STK11: variants seen among roughly 807,000 people sequenced by gnomAD.
STK11 encodes the protein serine/threonine-protein kinase STK11.
STK11 carries 8 observed loss-of-function variants against 47.3 expected under a neutral mutation model. The ratio of observed to expected loss-of-function variants is 0.17; its 90% CI spans 0.10 to 0.31. STK11 has a LOEUF of 0.31. STK11 is among the 10% of genes least tolerant of loss of function. The pLI is 1.00. For synonymous variants in STK11, 330 were observed against 255.8 expected (o/e 1.29, Z -2.77); for missense variants, 475 against 605.0 (o/e 0.79, Z 2.25).
At chr19:1,216,543 G>T (rs1454441235) in intron 1 of STK11, 5 of 151,082 alleles carry the variant, frequency 3.3e-5, no homozygotes, top group Non-Finnish European at 7.3e-5. Context: ...TCATGCCATT[G>T]CACTCTGGCC....
intron 3 of STK11, 87 bp from the exon 4 acceptor site, chr19:1,220,286 T>G: frequency 2.0e-6 from 3 of 1,505,008 alleles, no homozygotes; most frequent in South Asian, 1.2e-5. Flanking sequence ...GCCTGTGGTG[T>G]TTGGGAGGCT....
intron 1 of STK11, among the ~76,000 whole-genome samples, chr19:1,208,907 C>A (rs1325728147): frequency 6.6e-6 from 1 of 151,940 alleles, no homozygotes; most frequent in Non-Finnish European, 1.5e-5. Context: ...AGGCGTGAGC[C>A]ACCGCGCCCG....
chr19:1,212,400 C>T (rs2080717757), intron 1 of STK11, among the ~76,000 whole-genome samples: 1 of 147,870 alleles, frequency 6.8e-6, no homozygotes, highest in African/African-American at 2.5e-5. Flanking sequence ...GCTGGGACTG[C>T]AGATGTGCAC....
At chr19:1,218,716 C>G (rs1158642647) in intron 2 of STK11, among the ~76,000 whole-genome samples, 1 of 152,162 alleles carries the variant, frequency 6.6e-6, no homozygotes, top group Non-Finnish European at 1.5e-5. Context: ...TGTCTTGGGC[C>G]CGTGGGGTGT....
intron 8 of STK11, chr19:1,224,947 C>G: frequency 2.0e-6 from 2 of 985,550 alleles, no homozygotes; most frequent in Non-Finnish European, 1.2e-6. Context: ...TGGGGCAGGA[C>G]AGCCCGGCGC....
In STK11 at chr19:1,227,936, C is replaced by T. The variant is rs1284883982; in HGVS notation, c.*360C>T. The stretch of plus-strand genomic sequence containing the variant: ...AGGGCGCCCAGCGCCGTCCGGCGGC[C>T]CCGCCGCAGACCAGCTGGCGGGTGT... On this transcript the variant is annotated 3_prime_UTR_variant, in exon 10 of 10. Transcript: ENST00000326873. The T allele has an allele frequency of 9.3e-7, 1 of 1,070,292 alleles. No individual in the cohort carries two copies. The highest frequency in any genetic ancestry group is 1.1e-6 in the Non-Finnish European group (1 of 882,362). The allele number at this position is 1,070,292 out of a possible 1,614,324, so 66.3% of individuals were successfully genotyped here. A position where few individuals can be genotyped will look rare whatever the true frequency, so the allele number is the denominator to read the frequency against.
At position 1,221,539 on chromosome 19, in the gene STK11, C is replaced by A. The variant is rs117741423; in HGVS notation, c.862+199C>A. ...CTCCACCCTGCTTCTGGGCCCTGTT[C>A]ACCCTCCGAACTCCCACCCCAGAGG... On this transcript the variant is annotated intron_variant, in intron 6 of 9. Transcript: ENST00000326873. 16,689 of 845,428 alleles carry A rather than the reference C, an allele frequency of 0.02. 236 individuals carry two copies. The highest frequency in any genetic ancestry group is 0.025 in the Non-Finnish European group (14,191 of 565,606). 52.4% of individuals were successfully genotyped at this position (845,428 alleles called of 1,614,324 possible). A position where few individuals can be genotyped will look rare whatever the true frequency, so the allele number is the denominator to read the frequency against.
intron 1 of STK11, among the ~76,000 whole-genome samples, chr19:1,217,662 C>T (rs2080753522): frequency 6.6e-6 from 1 of 152,144 alleles, no homozygotes; most frequent in South Asian, 2.1e-4. Flanking sequence ...TCTTCGCCTG[C>T]CCCTTCCTAT....
At chr19:1,221,028 G>T (rs1274419113) in intron 5 of STK11, among the ~76,000 whole-genome samples, 185 bp from the exon 6 acceptor site, 1 of 152,168 alleles carries the variant, frequency 6.6e-6, no homozygotes, top group Admixed American at 6.5e-5. Context: ...GGGTCCAGAG[G>T]ACACTCCCCT....
At chr19:1,219,599 G>A (rs1290614921) in intron 3 of STK11, among the ~76,000 whole-genome samples, 186 bp downstream of exon 3, 2 of 151,988 alleles carry the variant, frequency 1.3e-5, no homozygotes, top group East Asian at 1.9e-4. Flanking sequence ...AGGCTGGAGT[G>A]CAATGGTGCG....
In STK11 at chr19:1,206,815, C is replaced by A. The variant is rs1407068597; in HGVS notation, c.-99C>A. The A allele has an allele frequency of 2.3e-6, 3 of 1,305,662 alleles. No homozygotes were observed. Among genetic ancestry groups the A allele is most frequent in the Non-Finnish European group, 2.0e-6 (2 of 1,001,678 alleles). 80.9% of individuals were successfully genotyped at this position (1,305,662 alleles called of 1,614,324 possible). A position where few individuals can be genotyped will look rare whatever the true frequency, so the allele number is the denominator to read the frequency against. On this transcript the variant is annotated 5_prime_UTR_variant, in exon 1 of 10. Coordinates refer to ENST00000326873, the MANE Select transcript of STK11 (RefSeq NM_000455.5). ...TTGTTGCCTTTTTTTTTTCTTTTTT[C>A]TTTGTAAAATTTTGGAGAAGGGAAG... is the stretch of plus-strand genomic sequence containing the variant.
At chr19:1,226,430 C>T (rs1426854338) in intron 8 of STK11, 24 bp from the exon 9 acceptor site, 2 of 1,605,304 alleles carry the variant, frequency 1.2e-6, no homozygotes. Context: ...TCAGCTCAGG[C>T]CACACTTGCC....
In STK11 at chr19:1,226,598, G is replaced by A. The variant is rs878853986; in HGVS notation, c.1253G>A (p.Cys418Tyr). The change falls in exon 9 of 10, where the codon TGC becomes TAC. Residue 418 changes from cysteine (C) to tyrosine (Y), a missense_variant. Transcript: ENST00000326873. Reference protein sequence around the residue: ...GRAPNPARKACSASSKIRRLS... With the variant: ...GRAPNPARKAYSASSKIRRLS... ...GCCCCCAACCCTGCCCGCAAGGCCTGCTCCGCCAGCAGCAAGATCCGCCGG... is the reference window on the plus strand; with the variant it reads ...GCCCCCAACCCTGCCCGCAAGGCCTACTCCGCCAGCAGCAAGATCCGCCGG... The A allele has an allele frequency of 6.4e-7, 1 of 1,564,394 alleles. No individual in the cohort carries two copies. The highest frequency in any genetic ancestry group is 2.4e-5 in the East Asian group (1 of 41,730).
At chr19:1,218,679 G>C (rs953557204) in intron 2 of STK11, among the ~76,000 whole-genome samples, 179 bp downstream of exon 2, 3 of 152,158 alleles carry the variant, frequency 2.0e-5, no homozygotes, top group African/African-American at 7.2e-5. Context: ...GCAGCTTGCT[G>C]AAAGGGGCCC....
At position 1,218,462 on chromosome 19, in the gene STK11, G is replaced by C. The variant is rs1555737431; in HGVS notation, c.336G>C (p.Gln112His). ...GGTTACGGCACAAAAATGTCATCCA[G>C]CTGGTGGATGTGTTATACAACGAAG... ...LRRLRHKNVI[Q>H]LVDVLYNEEK... Residue 112 changes from glutamine to histidine, a missense_variant, in exon 2 of 10, where the codon CAG becomes CAC. Physicochemically the swap from Gln to His is conservative, Grantham distance 24. Around this residue, in one of 5 missense-constraint regions of STK11, gnomAD observed 46 missense variants for 45.5 expected, o/e 1.01. Transcript: ENST00000326873. 3.7e-6 allele frequency: 6 copies of C among 1,613,572 alleles called. No individual in the cohort carries two copies. In the African/African-American group the frequency reaches 8.0e-5, roughly 22 times the overall value.
At position 1,223,068 on chromosome 19, in the gene STK11, T is replaced by C. The variant is rs2145430947; in HGVS notation, c.1004T>C (p.Met335Thr). 1 of 1,607,138 alleles carries C rather than the reference T, an allele frequency of 6.2e-7. No individual in the cohort carries two copies. The highest frequency in any genetic ancestry group is 8.5e-7 in the Non-Finnish European group (1 of 1,177,660). The stretch of plus-strand genomic sequence containing the variant: ...GACACCAAGGACCGGTGGCGCAGCA[T>C]GACTGTGGTGCCGTACTTGGAGGAC... ...SPDTKDRWRS[M>T]TVVPYLEDLH... The change falls in exon 8 of 10, where the codon ATG (methionine) becomes ACG (threonine). Residue 335 changes from methionine (M) to threonine (T), a missense_variant. By Grantham distance (81) the Met-to-Thr change is moderately conservative. Transcript: ENST00000326873.
chr19:1,221,045 C>T (rs527942460), intron 5 of STK11, among the ~76,000 whole-genome samples, 168 bp from the exon 6 acceptor site: 1 of 152,284 alleles, frequency 6.6e-6, no homozygotes, highest in East Asian at 1.9e-4. Flanking sequence ...CCCTCCTACC[C>T]CGTAGCCTCC....
intron 9 of STK11, 177 bp from the exon 10 acceptor site, chr19:1,227,416 C>A: frequency 3.5e-6 from 2 of 577,652 alleles, no homozygotes; most frequent in Non-Finnish European, 4.6e-6. Context: ...CTGCAAAAGG[C>A]CACACAATGT....
chr19:1,221,367 GC>G, intron 6 of STK11, 27 bp downstream of exon 6: 1 of 1,586,018 alleles, frequency 6.3e-7, no homozygotes, highest in African/African-American at 1.3e-5. Flanking sequence ...TCTGCCCGCA[GC>G]CCCAGGGAGG....
Sources: gnomAD v4.1 joint callset for allele counts (sites outside exome capture counted in the v4.1 genomes callset) on GRCh38, gnomAD v4.1.1 for gene constraint, gnomAD v4.1.1 regional missense constraint, MANE v1.5 for transcripts, NCBI Gene and HGNC (gene_info 2026-07-23, HGNC 2026-07-21) for gene names.